The following SREBF2 variants were observed in gnomAD, a reference collection of about 807,000 sequenced individuals.
SREBF2 encodes the protein sterol regulatory element binding transcription factor 2.
A neutral mutation model predicts 113.1 loss-of-function variants in SREBF2; 55 were observed. That is an observed-to-expected ratio of 0.49 (90% confidence interval 0.39 to 0.61). SREBF2 has a LOEUF of 0.61. Among genes scored for constraint, SREBF2 ranks in the 20% least tolerant of loss-of-function variants. The pLI, the probability that SREBF2 is intolerant of heterozygous loss-of-function variation, is 0.00. For missense variants in SREBF2, 1,349 were observed against 1,487.4 expected, an observed-to-expected ratio of 0.91 and a Z score of 1.53; for synonymous variants, 593 against 605.7, an observed-to-expected ratio of 0.98 and a Z score of 0.31.
chr22:41,904,953 A>C lies in SREBF2; in HGVS notation c.3184A>C (p.Thr1062Pro). ...QLLEHSLRRR[T>P]TQSTKHGEVD... ...GCTGGAACACAGCCTGCGGCGGCGC[A>C]CCACGCAGAGCACCAAGCACGGTGA... Residue 1062 changes from threonine to proline, a missense_variant, in exon 18 of 19, where the codon ACC (threonine) becomes CCC (proline). By Grantham distance (38) the Thr-to-Pro change is conservative. Coordinates refer to ENST00000361204, the MANE Select transcript of SREBF2 (RefSeq NM_004599.4). 3 of 1,599,256 alleles carry C rather than the reference A, an allele frequency of 1.9e-6. No individual in the cohort carries two copies. The highest frequency in any genetic ancestry group is 2.5e-6 in the Non-Finnish European group (3 of 1,177,084).
At chr22:41,843,565 A>T (rs950857450) in intron 1 of SREBF2, among the ~76,000 whole-genome samples, 2 of 152,246 alleles carry the variant, frequency 1.3e-5, no homozygotes, top group Non-Finnish European at 2.9e-5. Flanking sequence ...ACAGTGGCCT[A>T]AATCCAACAT....
chr22:41,902,541 T>G (rs1265655935), intron 16 of SREBF2, among the ~76,000 whole-genome samples: 2 of 152,060 alleles, frequency 1.3e-5, no homozygotes, highest in Non-Finnish European at 2.9e-5. Flanking sequence ...CCCAGCCCCA[T>G]CGACAGGCTC....
intron 1 of SREBF2, among the ~76,000 whole-genome samples, chr22:41,853,371 T>A (rs999103235): frequency 3.9e-5 from 6 of 152,204 alleles, no homozygotes; most frequent in Admixed American, 3.9e-4. Context: ...GACTGTACTT[T>A]GCATCCTGAT....
Position 41,842,893 on chromosome 22 carries a change from G to T in SREBF2, c.88+9535G>T, listed in dbSNP as rs556698931. Among the ~76,000 whole-genome samples the T allele has an allele frequency of 2.8e-4, 42 of 152,240 alleles. No homozygotes were observed. In the South Asian group the frequency reaches 6.8e-3, roughly 25 times the overall value. ...TAATCCCAGCTACGTGGGAGGCTGA[G>T]GCAGGAGAATCGCTTGAATCCAGGA... On this transcript the variant is annotated intron_variant, in intron 1 of 18. Transcript: ENST00000361204.
In SREBF2 at chr22:41,872,231, CAG is replaced by C. The variant is rs948240308; in HGVS notation, c.867+1199_867+1200del. On this transcript the variant is annotated intron_variant, in intron 4 of 18. Transcript: ENST00000361204. ...CGCCACTGCACTCCAGCCCGGGCGA[CAG>C]AGCAAATCTCCGTCTCAAAAAAAAA... 5.0e-5 allele frequency among the ~76,000 whole-genome samples: 7 copies of C among 138,812 alleles called. No homozygotes were observed. In the Admixed American group the frequency reaches 5.3e-4, roughly 11 times the overall value. 91.1% of individuals were successfully genotyped at this position (138,812 alleles called of 152,430 possible). A position where few individuals can be genotyped will look rare whatever the true frequency, so the allele number is the denominator to read the frequency against.
At position 41,869,325 on chromosome 22, in the gene SREBF2, A is replaced by T. The variant is rs758628384; in HGVS notation, c.720+533A>T. ...TTGGCCAGGCTGGCTTGAACTTCTG[A>T]CCTTGTGATCCACCCGCCTCGGCCT... is the stretch of plus-strand genomic sequence containing the variant. On this transcript the variant is annotated intron_variant, in intron 3 of 18. Coordinates refer to ENST00000361204, the MANE Select transcript of SREBF2 (RefSeq NM_004599.4). Among the ~76,000 whole-genome samples, 108 of 148,652 alleles carry T rather than the reference A, an allele frequency of 7.3e-4. 1 individual carries two copies. Among genetic ancestry groups the T allele is most frequent in the Non-Finnish European group, 1.5e-4 (10 of 67,402 alleles).
chr22:41,868,465 C>T, intron 2 of SREBF2, 146 bp from the exon 3 acceptor site: 1 of 917,490 alleles, frequency 1.1e-6, no homozygotes. Flanking sequence ...GTCTAAGCCA[C>T]CTTGTAAATG....
intron 11 of SREBF2, among the ~76,000 whole-genome samples, chr22:41,887,332 G>A (rs998175053): frequency 2.6e-5 from 4 of 152,158 alleles, no homozygotes; most frequent in African/African-American, 9.7e-5. Flanking sequence ...ACAGATCAAA[G>A]TACAGAACCA....
intron 7 of SREBF2, 23 bp downstream of exon 7, chr22:41,875,747 G>A (rs1279171822): frequency 6.2e-7 from 1 of 1,613,228 alleles, no homozygotes; most frequent in African/African-American, 1.3e-5. Context: ...GAAATCTCCT[G>A]ATCCCTGGAA....
intron 9 of SREBF2, among the ~76,000 whole-genome samples, chr22:41,878,394 G>A (rs751744849): frequency 7.9e-5 from 12 of 152,156 alleles, no homozygotes; most frequent in Non-Finnish European, 1.2e-4. Context: ...CCAAGAGTAG[G>A]AAGGAAGGGC....
intron 1 of SREBF2, among the ~76,000 whole-genome samples, chr22:41,862,217 C>T (rs957471339): frequency 6.6e-6 from 1 of 152,146 alleles, no homozygotes; most frequent in Non-Finnish European, 1.5e-5. Flanking sequence ...ACCTCCAAGC[C>T]ACAAGCTCCA....
chr22:41,905,691 C>T lies in SREBF2; in HGVS notation c.*31C>T. 1 of 1,535,688 alleles carries T rather than the reference C, an allele frequency of 6.5e-7. No homozygotes were observed. The highest frequency in any genetic ancestry group is 1.2e-5 in the South Asian group (1 of 83,768). Reference sequence around the variant, plus strand: ...AGGCTCAGCCCACCCCTCCACCTCTCTCTCGATTTCTCTCTCTCCCCCTCA... The same window carrying T: ...AGGCTCAGCCCACCCCTCCACCTCTTTCTCGATTTCTCTCTCTCCCCCTCA... On this transcript the variant is annotated 3_prime_UTR_variant, in exon 19 of 19. Coordinates refer to ENST00000361204, the MANE Select transcript of SREBF2 (RefSeq NM_004599.4).
At chr22:41,864,243 TATATATATATATATATATAC>T (rs1262608002) in intron 1 of SREBF2, among the ~76,000 whole-genome samples, 3 of 92,638 alleles carry the variant, frequency 3.2e-5, no homozygotes, top group African/African-American at 1.2e-4. Context: ...TATATATATA[TATATATATATATATATATAC>T]ACACACACAC....
chr22:41,877,246 C>T lies in SREBF2; in HGVS notation c.1404C>T (p.Asp468=). The T allele has an allele frequency of 6.2e-7, 1 of 1,614,202 alleles. No homozygotes were observed. The highest frequency in any genetic ancestry group is 1.1e-5 in the South Asian group (1 of 91,080). Residue 468 remains aspartate, a synonymous_variant, in exon 8 of 19, where the codon GAC becomes GAT. Coordinates refer to ENST00000361204, the MANE Select transcript of SREBF2 (RefSeq NM_004599.4). ...LDDAKVKDEP[D]SPPVALGMVD... ...TTTTGAAGGTCAAAGATGAGCCAGA[C>T]TCTCCTCCTGTGGCGCTGGGCATGG... is the stretch of plus-strand genomic sequence containing the variant.
intron 12 of SREBF2, among the ~76,000 whole-genome samples, chr22:41,894,157 C>G (rs1461336960): frequency 6.6e-6 from 1 of 152,180 alleles, no homozygotes. Context: ...CAGTCTCTGG[C>G]TCCAGGCCTT....
rs2076739584 is a variant in SREBF2 at position 41,833,684 on chromosome 22, C to T, written c.88+326C>T. The T allele has an allele frequency of 4.3e-6, 1 of 232,264 alleles. No homozygotes were observed. The highest frequency in any genetic ancestry group is 5.7e-5 in the Admixed American group (1 of 17,462). 14.4% of individuals were successfully genotyped at this position (232,264 alleles called of 1,614,324 possible). A position where few individuals can be genotyped will look rare whatever the true frequency, so the allele number is the denominator to read the frequency against. ...AAGGAGAGCGCGTGGCCGCCGCCTC[C>T]CTCGCGCGCCCACACGCGGTTTCCG... On this transcript the variant is annotated intron_variant, in intron 1 of 18. Transcript: ENST00000361204. The surrounding 1 kb of genome is among the most constrained non-coding windows in gnomAD (Gnocchi z 4.1).
chr22:41,852,965 G>A (rs1401951405), intron 1 of SREBF2, among the ~76,000 whole-genome samples: 1 of 152,018 alleles, frequency 6.6e-6, no homozygotes, highest in Admixed American at 6.6e-5. Context: ...GGCCAGGCTT[G>A]TCTCGAACTC....
At chr22:41,851,098 A>AG (rs2076925630) in intron 1 of SREBF2, among the ~76,000 whole-genome samples, 1 of 152,162 alleles carries the variant, frequency 6.6e-6, no homozygotes, top group African/African-American at 2.4e-5. Flanking sequence ...TAACGTACTA[A>AG]GTGGGTATCA....
In SREBF2 at chr22:41,894,895, C is replaced by T; in HGVS notation, c.2453C>T (p.Pro818Leu). The change falls in exon 13 of 19, where the codon CCT becomes CTT. Residue 818 changes from proline to leucine, a missense_variant. This residue lies in a region of SREBF2 where 650 missense variants were observed against 644.1 expected (regional missense o/e 1.01). Coordinates refer to ENST00000361204, the MANE Select transcript of SREBF2 (RefSeq NM_004599.4). ...LERAIESLVK[P>L]QAKKKAGDQE... ...CGAGCTATAGAGTCCTTGGTGAAAC[C>T]TCAGGCCAAGAAGAAGGCTGGAGAC... 6.2e-7 allele frequency: 1 copy of T among 1,614,092 alleles called. No homozygotes were observed. Among genetic ancestry groups the T allele is most frequent in the Non-Finnish European group, 8.5e-7 (1 of 1,180,026 alleles).
Sources: gnomAD v4.1 joint callset for allele counts (sites outside exome capture counted in the v4.1 genomes callset) on GRCh38, gnomAD v4.1.1 for gene constraint, gnomAD v4.1.1 regional missense constraint, Gnocchi (gnomAD v3.1) non-coding constraint, MANE v1.5 for transcripts, NCBI Gene and HGNC (gene_info 2026-07-23, HGNC 2026-07-21) for gene names.